The following RANBP2 variants were observed in gnomAD, a reference collection of about 807,000 sequenced individuals.
RANBP2 encodes RAN binding protein 2.
RANBP2 carries 57 observed loss-of-function variants against 303.6 expected under a neutral mutation model. The observed-to-expected ratio is 0.19, with a 90% CI of 0.15 to 0.23. The LOEUF (loss-of-function observed/expected upper bound fraction) is 0.23. Among genes scored for constraint, RANBP2 ranks in the 10% least tolerant of loss-of-function variants. The pLI, the probability that RANBP2 is intolerant of heterozygous loss-of-function variation, is 1.00. For missense variants in RANBP2, 3,138 were observed against 3,780.8 expected, an observed-to-expected ratio of 0.83 and a Z score of 4.46; for synonymous variants, 1,167 against 1,301.5, an observed-to-expected ratio of 0.90 and a Z score of 2.23.
intron 21 of RANBP2, 135 bp from the exon 22 acceptor site, chr2:108,772,354 G>A: frequency 1.5e-6 from 1 of 654,604 alleles, no homozygotes; most frequent in Non-Finnish European, 2.7e-6. Flanking sequence ...CTAGCAGAAA[G>A]AGAGGTATTA....
chr2:108,910,516 G>A, the RANBP2 span: 1 of 1,613,460 alleles, frequency 6.2e-7, no homozygotes, highest in South Asian at 1.1e-5. Flanking sequence ...CCTTCTCGGA[G>A]AACATCACCA....
chr2:109,350,502 C>T, the RANBP2 span, among the ~76,000 whole-genome samples: 1 of 152,236 alleles, frequency 6.6e-6, no homozygotes, highest in Non-Finnish European at 1.5e-5. Flanking sequence ...CCTATGCCCA[C>T]TTTGACCCTC....
chr2:109,172,305 A>G, the RANBP2 span, among the ~76,000 whole-genome samples: 2 of 152,188 alleles, frequency 1.3e-5, no homozygotes, highest in Non-Finnish European at 2.9e-5. Flanking sequence ...CTCTCCTGAC[A>G]AGGACCTTGC....
chr2:109,121,249 TAAAACAAAACAAAACAAAACAAAAC>T, the RANBP2 span, among the ~76,000 whole-genome samples: 17 of 148,622 alleles, frequency 1.1e-4, no homozygotes, highest in Admixed American at 2.7e-4. Flanking sequence ...TCCATCTCTC[TAAAACAAAACAAAACAAAACAAAAC>T]AAAACAAAAC....
chr2:109,454,983 G>T, the RANBP2 span, among the ~76,000 whole-genome samples: 2 of 152,184 alleles, frequency 1.3e-5, no homozygotes, highest in East Asian at 3.9e-4. Context: ...GTGAGTAATA[G>T]AATATTGAAA....
the RANBP2 span, among the ~76,000 whole-genome samples, chr2:109,372,699 C>T: frequency 6.6e-6 from 1 of 152,210 alleles, no homozygotes; most frequent in African/African-American, 2.4e-5. Context: ...CAGCCCTTCA[C>T]TCTCCTGCTC....
the RANBP2 span, among the ~76,000 whole-genome samples, chr2:108,991,936 A>G: frequency 2.0e-5 from 3 of 152,100 alleles, no homozygotes; most frequent in Non-Finnish European, 4.4e-5. Flanking sequence ...AGGAGCTGGG[A>G]TTACAGACAT....
At chr2:108,907,937 C>G in the RANBP2 span, 1 of 1,613,564 alleles carries the variant, frequency 6.2e-7, no homozygotes, top group Non-Finnish European at 8.5e-7. Context: ...TCCGGGGAGC[C>G]CTGCTTGTCA....
the RANBP2 span, among the ~76,000 whole-genome samples, chr2:108,851,792 C>A: frequency 2.0e-5 from 3 of 152,134 alleles, no homozygotes; most frequent in Non-Finnish European, 2.9e-5. Flanking sequence ...GCCTAACACA[C>A]CCAACATCAT....
the RANBP2 span, among the ~76,000 whole-genome samples, chr2:109,315,229 G>T: frequency 3.9e-5 from 6 of 152,200 alleles, no homozygotes; most frequent in African/African-American, 7.2e-5. Flanking sequence ...AGTGGAGAGG[G>T]CTATAGTCTC....
the RANBP2 span, chr2:109,613,680 CCGGAGGGGG>C: frequency 3.0e-6 from 2 of 674,484 alleles, no homozygotes; most frequent in Non-Finnish European, 4.1e-6. Flanking sequence ...GCGGGCGGGG[CCGGAGGGGG>C]CGCGGGTCAC....
chr2:109,522,599 C>T, the RANBP2 span, among the ~76,000 whole-genome samples: 1 of 71,492 alleles, frequency 1.4e-5, no homozygotes, highest in South Asian at 7.9e-4. Flanking sequence ...ACACCGTGCC[C>T]AGCCTTTTTT....
the RANBP2 span, among the ~76,000 whole-genome samples, chr2:108,914,245 C>T: frequency 2.6e-5 from 4 of 151,260 alleles, no homozygotes; most frequent in South Asian, 2.1e-4. Flanking sequence ...GGGCAACAAA[C>T]GTGAAACTTT....
the RANBP2 span, among the ~76,000 whole-genome samples, chr2:109,521,231 AG>A: frequency 4.6e-5 from 7 of 151,748 alleles, no homozygotes; most frequent in Admixed American, 2.0e-4. Flanking sequence ...AAAAAAAAAA[AG>A]AATTATGATG....
At chr2:109,489,990 G>A in the RANBP2 span, among the ~76,000 whole-genome samples, 1 of 152,146 alleles carries the variant, frequency 6.6e-6, no homozygotes, top group Non-Finnish European at 1.5e-5. Context: ...TGCCCACCTT[G>A]GCCTCCCAAA....
the RANBP2 span, among the ~76,000 whole-genome samples, chr2:109,206,490 CA>C: frequency 0.057 from 2,298 of 40,600 alleles, 11 homozygotes; most frequent in African/African-American, 0.2. Flanking sequence ...GACTCCGTCT[CA>C]AAAAAAAAAA....
the RANBP2 span, among the ~76,000 whole-genome samples, chr2:108,901,030 C>T: frequency 6.6e-6 from 1 of 152,158 alleles, no homozygotes; most frequent in Non-Finnish European, 1.5e-5. Context: ...ACATCATCAA[C>T]CAACACGATC....
chr2:109,226,530 C>T, the RANBP2 span, among the ~76,000 whole-genome samples: 1 of 152,178 alleles, frequency 6.6e-6, no homozygotes, highest in African/African-American at 2.4e-5. Context: ...TTTTTAAGTC[C>T]CTTTAAAGTT....
the RANBP2 span, among the ~76,000 whole-genome samples, chr2:109,123,949 A>G: frequency 6.6e-6 from 1 of 151,196 alleles, no homozygotes; most frequent in African/African-American, 2.4e-5. Flanking sequence ...TTAGCACTGG[A>G]CTCTCTACTC....
Sources: gnomAD v4.1 joint callset for allele counts (sites outside exome capture counted in the v4.1 genomes callset) on GRCh38, gnomAD v4.1.1 for gene constraint, MANE v1.5 for transcripts, NCBI Gene and HGNC (gene_info 2026-07-23, HGNC 2026-07-21) for gene names.